SH3BGRL2: variants seen among roughly 807,000 people sequenced by gnomAD.
SH3BGRL2 encodes SH3 domain binding glutamate rich protein like 2.
A neutral mutation model predicts 14.8 loss-of-function variants in SH3BGRL2; 21 were observed. The ratio of observed to expected loss-of-function variants is 1.42; its 90% CI spans 1.01 to 2.05. The LOEUF (loss-of-function observed/expected upper bound fraction) is 2.05, where lower values mean the gene tolerates loss of function less well. Ranked by LOEUF, SH3BGRL2 falls within the 30% of genes most tolerant of loss-of-function variation. SH3BGRL2 has a pLI of 0.00. For synonymous variants in SH3BGRL2, 50 were observed against 47.8 expected (o/e 1.05, Z -0.19); for missense variants, 147 against 130.8 (o/e 1.12, Z -0.61).
upstream of SH3BGRL2, among the ~76,000 whole-genome samples, chr6:79,630,060 T>C (rs1435291645): frequency 2.6e-5 from 4 of 152,190 alleles, no homozygotes; most frequent in Non-Finnish European, 5.9e-5. Flanking sequence ...TGCCGAGAGA[T>C]ACTAAAGACA....
chr6:79,603,148 A>AAT, the SH3BGRL2 span, among the ~76,000 whole-genome samples: 10 of 152,274 alleles, frequency 6.6e-5, no homozygotes, highest in South Asian at 2.1e-3. Context: ...AACCAGCTAA[A>AAT]AGTTAAAATG....
At chr6:79,647,445 G>T (rs548491263) in intron 1 of SH3BGRL2, among the ~76,000 whole-genome samples, 1 of 151,942 alleles carries the variant, frequency 6.6e-6, no homozygotes, top group Admixed American at 6.6e-5. Flanking sequence ...AAATTAATGG[G>T]TTAATCAACT....
In SH3BGRL2 at chr6:79,701,773, T is replaced by A. The variant is rs1335966585; in HGVS notation, c.*2264T>A. ...GGGACCACACTTAGCTCAGAGAATA[T>A]GGGGTCCTTACTTGTATTCTTTTAT... On this transcript the variant is annotated 3_prime_UTR_variant, in exon 4 of 4. Coordinates refer to ENST00000369838, the MANE Select transcript of SH3BGRL2 (RefSeq NM_031469.4). 6.6e-6 allele frequency: 1 copy of A among 152,134 alleles called. No individual in the cohort carries two copies. Among genetic ancestry groups the A allele is most frequent in the African/African-American group, 2.4e-5 (1 of 41,384 alleles). The allele number at this position is 152,134 out of a possible 1,614,324, so 9.4% of individuals were successfully genotyped here. A position where few individuals can be genotyped will look rare whatever the true frequency, so the allele number is the denominator to read the frequency against.
At chr6:79,648,804 G>A (rs1360218602) in intron 1 of SH3BGRL2, among the ~76,000 whole-genome samples, 3 of 152,180 alleles carry the variant, frequency 2.0e-5, no homozygotes, top group Non-Finnish European at 4.4e-5. Flanking sequence ...AACGGGATTA[G>A]AGTGTAGCTA....
intron 1 of SH3BGRL2, among the ~76,000 whole-genome samples, chr6:79,663,236 TA>T (rs759126674): frequency 5.9e-5 from 9 of 152,204 alleles, no homozygotes; most frequent in African/African-American, 9.6e-5. Flanking sequence ...CTCTGGTTTT[TA>T]GAATTTTCAG....
At chr6:79,625,233 T>C in the SH3BGRL2 span, among the ~76,000 whole-genome samples, 6 of 122,420 alleles carry the variant, frequency 4.9e-5, no homozygotes, top group East Asian at 7.0e-4. Context: ...CATATATATA[T>C]ACACATATAT....
intron 1 of SH3BGRL2, among the ~76,000 whole-genome samples, chr6:79,642,266 C>T (rs911277314): frequency 8.5e-5 from 13 of 152,052 alleles, no homozygotes; most frequent in Admixed American, 2.0e-4. Flanking sequence ...ATAGCATTTA[C>T]GTTGTATTAG....
chr6:79,689,762 A>C (rs1226043103), intron 2 of SH3BGRL2, among the ~76,000 whole-genome samples: 1 of 152,140 alleles, frequency 6.6e-6, no homozygotes, highest in African/African-American at 2.4e-5. Flanking sequence ...TAAGGTTTTT[A>C]ATTATAAACA....
intron 1 of SH3BGRL2, among the ~76,000 whole-genome samples, chr6:79,648,255 C>CGCATATATATATATATATATATAT (rs749278658): frequency 8.0e-5 from 5 of 62,468 alleles, no homozygotes; most frequent in Non-Finnish European, 1.5e-4. Flanking sequence ...ATTCTTTTGG[C>CGCATATATATATATATATATATAT]ATATATATAT....
intron 2 of SH3BGRL2, among the ~76,000 whole-genome samples, chr6:79,694,603 ATCT>A (rs1256829003): frequency 1.3e-5 from 2 of 152,226 alleles, no homozygotes; most frequent in Non-Finnish European, 2.9e-5. Flanking sequence ...CTCAGCTGAT[ATCT>A]TCTTTACTCA....
rs187840801 is a variant in SH3BGRL2, at chr6:79,687,970, C to G, written c.232-8515C>G. ...GCTGCTGTGAGCTTTCCTAACTGTT[C>G]TCTCCAGAGACACTGAAAGGGCAAA... On this transcript the variant is annotated intron_variant, in intron 2 of 3. Coordinates refer to ENST00000369838, the MANE Select transcript of SH3BGRL2 (RefSeq NM_031469.4). Among the ~76,000 whole-genome samples the G allele has an allele frequency of 2.6e-5, 4 of 152,254 alleles. No individual in the cohort carries two copies. The East Asian group carries it at 7.7e-4, about 29-fold the overall frequency.
At chr6:79,635,691 G>A (rs571558412) in intron 1 of SH3BGRL2, among the ~76,000 whole-genome samples, 1 of 152,290 alleles carries the variant, frequency 6.6e-6, no homozygotes, top group Admixed American at 6.5e-5. Flanking sequence ...CCTGGATGTT[G>A]GAGAGCAACC....
At chr6:79,689,883 T>C (rs2127737940) in intron 2 of SH3BGRL2, among the ~76,000 whole-genome samples, 1 of 152,346 alleles carries the variant, frequency 6.6e-6, no homozygotes, top group Non-Finnish European at 1.5e-5. Flanking sequence ...GAATTCATAC[T>C]ACATGTATAG....
At chr6:79,694,179 AG>A (rs1255788467) in intron 2 of SH3BGRL2, among the ~76,000 whole-genome samples, 1 of 152,226 alleles carries the variant, frequency 6.6e-6, no homozygotes, top group African/African-American at 2.4e-5. Context: ...GAGCTTCCCC[AG>A]GGAAAGACCT....
the SH3BGRL2 span, among the ~76,000 whole-genome samples, chr6:79,567,552 G>A: frequency 2.6e-5 from 4 of 152,024 alleles, no homozygotes; most frequent in Non-Finnish European, 5.9e-5. Context: ...TAGAAGAAAC[G>A]GACAATTTAA....
intron 1 of SH3BGRL2, among the ~76,000 whole-genome samples, chr6:79,661,993 G>C (rs984120875): frequency 1.3e-5 from 2 of 151,630 alleles, no homozygotes; most frequent in Non-Finnish European, 2.9e-5. Context: ...CTTTCCATTT[G>C]CTTGGTAGAT....
intron 1 of SH3BGRL2, among the ~76,000 whole-genome samples, chr6:79,654,040 C>T (rs1181215243): frequency 6.6e-6 from 1 of 152,130 alleles, no homozygotes; most frequent in African/African-American, 2.4e-5. Context: ...GTCACAGTGT[C>T]AGGGTGTGGA....
chr6:79,578,597 G>C, the SH3BGRL2 span, among the ~76,000 whole-genome samples: 1 of 151,328 alleles, frequency 6.6e-6, no homozygotes, highest in African/African-American at 2.4e-5. Flanking sequence ...GAAAAGAATA[G>C]CATCAACATC....
chr6:79,673,562 C>T, intron 1 of SH3BGRL2, 52 bp from the exon 2 acceptor site: 1 of 1,558,622 alleles, frequency 6.4e-7, no homozygotes, highest in Non-Finnish European at 8.8e-7. Flanking sequence ...GAAGTATATA[C>T]ATACTGTTTC....
Sources: allele counts gnomAD v4.1 joint callset (sites outside exome capture counted in the v4.1 genomes callset), GRCh38; gene constraint gnomAD v4.1.1; transcripts MANE v1.5; gene names NCBI Gene and HGNC (gene_info 2026-07-23, HGNC 2026-07-21).